Variants in SLC35G2 observed in about 807,000 individuals in gnomAD.
SLC35G2 encodes the protein transmembrane protein 22.
In SLC35G2, 20 loss-of-function variants were observed where a neutral mutation model predicts 27.2. The observed-to-expected ratio is 0.74, with a 90% CI of 0.52 to 1.07. The LOEUF is 1.07. Among genes scored for constraint, SLC35G2 ranks in the 50% least tolerant of loss-of-function variants. SLC35G2 has a pLI of 0.00. For synonymous variants in SLC35G2, 148 were observed against 165.3 expected, an observed-to-expected ratio of 0.90 and a Z score of 0.80; for missense variants, 416 against 493.3, an observed-to-expected ratio of 0.84 and a Z score of 1.48.
chr3:136,848,286 T>C (rs576515558), intron 1 of SLC35G2, among the ~76,000 whole-genome samples: 9 of 152,290 alleles, frequency 5.9e-5, no homozygotes, highest in African/African-American at 2.2e-4. Context: ...GCAACTTAGA[T>C]AGATTAGTGT....
chr3:136,851,449 G>C (rs1365460572), intron 1 of SLC35G2, among the ~76,000 whole-genome samples: 2 of 119,590 alleles, frequency 1.7e-5, no homozygotes, highest in East Asian at 6.0e-4. Flanking sequence ...AGTGAGCCGA[G>C]ATTGTGCCAC....
In SLC35G2 at chr3:136,833,346, C is replaced by G. The variant is rs145103849; in HGVS notation, c.-19+13718C>G. ...ATTTTGACTCATTGTTAAAAAGTAA[C>G]TTTCTAACAATCAGGAATGACTTCC... On this transcript the variant is annotated intron_variant, in intron 1 of 1. Transcript: ENST00000446465. Among the ~76,000 whole-genome samples the G allele has an allele frequency of 2.2e-3, 337 of 152,222 alleles. 2 individuals are homozygous for G. The highest frequency in any genetic ancestry group is 7.7e-3 in the African/African-American group (321 of 41,538).
chr3:136,836,408 A>G (rs991349498), intron 1 of SLC35G2, among the ~76,000 whole-genome samples: 7 of 380 alleles, frequency 0.018, no homozygotes, highest in Admixed American at 0.056. Flanking sequence ...CCTCAGATTC[A>G]GGCCTGCTTA....
rs1400262 is a variant in SLC35G2 at position 136,819,133 on chromosome 3, G to A, written c.-514G>A. On this transcript the variant is annotated 5_prime_UTR_variant, in exon 1 of 2. Coordinates refer to ENST00000446465, the MANE Select transcript of SLC35G2 (RefSeq NM_025246.3). ...CCCCTCTCCCTCCGCAGTACTCCGG[G>A]CAGCGCCCGCCTCGATTTTCCCAGG... 102,951 of 151,778 alleles carry A rather than the reference G, an allele frequency of 0.68. 35,195 individuals are homozygous for A. The highest frequency in any genetic ancestry group is 0.87 in the East Asian group (4,437 of 5,128). 9.4% of individuals were successfully genotyped at this position (151,778 alleles called of 1,614,324 possible).
intron 1 of SLC35G2, among the ~76,000 whole-genome samples, chr3:136,828,614 G>A (rs1936647912): frequency 6.6e-6 from 1 of 152,002 alleles, no homozygotes; most frequent in Non-Finnish European, 1.5e-5. Flanking sequence ...TATTATTTTT[G>A]GTCTATGTGT....
intron 1 of SLC35G2, among the ~76,000 whole-genome samples, chr3:136,827,895 C>T (rs904612440): frequency 1.3e-5 from 2 of 150,988 alleles, no homozygotes; most frequent in East Asian, 2.0e-4. Flanking sequence ...GGCATGATCT[C>T]GGCTCACTGC....
At chr3:136,849,026 A>C (rs1937515813) in intron 1 of SLC35G2, among the ~76,000 whole-genome samples, 1 of 152,056 alleles carries the variant, frequency 6.6e-6, no homozygotes, top group Non-Finnish European at 1.5e-5. Context: ...CTAAAAATAC[A>C]AAATTAGCCG....
chr3:136,844,615 A>G (rs1327452537), intron 1 of SLC35G2, among the ~76,000 whole-genome samples: 1 of 151,898 alleles, frequency 6.6e-6, no homozygotes, highest in Non-Finnish European at 1.5e-5. Context: ...CCTGGCCAAC[A>G]TGGCAAAAAT....
At chr3:136,824,387 TAAATTTCTTTC>T (rs540910107) in intron 1 of SLC35G2, among the ~76,000 whole-genome samples, 157 of 152,344 alleles carry the variant, frequency 1.0e-3, no homozygotes, top group African/African-American at 3.6e-3. Flanking sequence ...GGTGTCCTCT[TAAATTTCTTTC>T]ACAAATGTTT....
At chr3:136,839,962 C>T (rs1937018057) in intron 1 of SLC35G2, among the ~76,000 whole-genome samples, 1 of 152,202 alleles carries the variant, frequency 6.6e-6, no homozygotes, top group Non-Finnish European at 1.5e-5. Flanking sequence ...CACAGCCCAG[C>T]AAAATCCTCA....
intron 1 of SLC35G2, among the ~76,000 whole-genome samples, chr3:136,821,449 A>C (rs529560504): frequency 8.5e-5 from 13 of 152,160 alleles, no homozygotes; most frequent in South Asian, 2.1e-4. Flanking sequence ...CTCTGAACAA[A>C]AAAAAAATTT....
At chr3:136,821,906 C>G (rs1353737206) in intron 1 of SLC35G2, among the ~76,000 whole-genome samples, 1 of 152,152 alleles carries the variant, frequency 6.6e-6, no homozygotes, top group Admixed American at 6.5e-5. Flanking sequence ...CTGGAAACCA[C>G]CATTCTACTC....
chr3:136,846,939 A>G (rs9861103), intron 1 of SLC35G2, among the ~76,000 whole-genome samples: 103,128 of 151,686 alleles, frequency 0.68, 35,309 homozygotes, highest in East Asian at 0.87. Context: ...CGCTAAGGCG[A>G]GTGAATCACC....
intron 1 of SLC35G2, chr3:136,838,292 CACA>C (rs1284735574): frequency 2.2e-4 from 32 of 144,256 alleles, no homozygotes; most frequent in Non-Finnish European, 3.3e-4. Flanking sequence ...TAAATGCACA[CACA>C]ACGTGTGTGT....
chr3:136,830,104 C>CTTTTTTTTTT (rs71134418), intron 1 of SLC35G2, among the ~76,000 whole-genome samples: 1 of 88,816 alleles, frequency 1.1e-5, no homozygotes, highest in African/African-American at 4.4e-5. Context: ...TACATTATTT[C>CTTTTTTTTTT]TTTTTTTTTT....
chr3:136,842,665 T>A (rs1937148277), intron 1 of SLC35G2: 1 of 152,238 alleles, frequency 6.6e-6, no homozygotes, highest in Non-Finnish European at 1.5e-5. Flanking sequence ...TATTATAGGA[T>A]GGGACAAAAC....
At position 136,819,130 on chromosome 3, in the gene SLC35G2, CGG is replaced by C. The variant is rs1178720460; in HGVS notation, c.-515_-514del. ...GCGCCCCTCTCCCTCCGCAGTACTC[CGG>C]GCAGCGCCCGCCTCGATTTTCCCAG... On this transcript the variant is annotated 5_prime_UTR_variant, in exon 1 of 2. Coordinates refer to ENST00000446465, the MANE Select transcript of SLC35G2 (RefSeq NM_025246.3). The C allele has an allele frequency of 1.3e-5, 2 of 152,094 alleles. No homozygotes were observed. The highest frequency in any genetic ancestry group is 4.8e-5 in the African/African-American group (2 of 41,436). 9.4% of individuals were successfully genotyped at this position (152,094 alleles called of 1,614,324 possible). A position where few individuals can be genotyped will look rare whatever the true frequency, so the allele number is the denominator to read the frequency against.
At chr3:136,828,459 G>T (rs917363866) in intron 1 of SLC35G2, among the ~76,000 whole-genome samples, 4 of 152,182 alleles carry the variant, frequency 2.6e-5, no homozygotes, top group African/African-American at 9.6e-5. Context: ...GCCTCTTGAA[G>T]AATTGACCCT....
At chr3:136,823,456 G>A (rs1398342738) in intron 1 of SLC35G2, among the ~76,000 whole-genome samples, 3 of 152,106 alleles carry the variant, frequency 2.0e-5, no homozygotes, top group African/African-American at 7.2e-5. Flanking sequence ...TGCCTATGCT[G>A]GTGTGGCATT....
Sources: allele counts gnomAD v4.1 joint callset (sites outside exome capture counted in the v4.1 genomes callset), GRCh38; gene constraint gnomAD v4.1.1; transcripts MANE v1.5; gene names NCBI Gene and HGNC (gene_info 2026-07-23, HGNC 2026-07-21).